Variants in CHI3L1 observed in about 807,000 individuals in gnomAD.
CHI3L1 encodes the protein chitinase 3 like 1.
CHI3L1 carries 30 observed loss-of-function variants against 40.7 expected under a neutral mutation model. The observed-to-expected ratio is 0.74, with a 90% confidence interval of 0.55 to 1.00. The LOEUF (loss-of-function observed/expected upper bound fraction) is 1.00, where lower values mean the gene tolerates loss of function less well. Ranked by LOEUF, CHI3L1 falls within the 50% of genes least tolerant of loss-of-function variation. CHI3L1 has a pLI of 0.00. For synonymous variants in CHI3L1, 210 were observed against 192.1 expected (o/e 1.09, Z -0.77); for missense variants, 493 against 492.2 (o/e 1.00, Z -0.01).
intron 6 of CHI3L1, 141 bp downstream of exon 6, chr1:203,182,590 G>T: frequency 3.4e-6 from 3 of 894,988 alleles, no homozygotes; most frequent in Non-Finnish European, 5.3e-6. Flanking sequence ...ACTTGCTCAA[G>T]GTCACACATC....
chr1:203,184,064 A>G (rs1350128209), intron 4 of CHI3L1, among the ~76,000 whole-genome samples: 1 of 152,228 alleles, frequency 6.6e-6, no homozygotes, highest in African/African-American at 2.4e-5. Context: ...GGGGACAAAT[A>G]TAACAGCTCA....
chr1:203,185,339 G>T lies in CHI3L1; in HGVS notation c.102C>A (p.Tyr34Ter). Residue 34 changes from tyrosine to a stop codon, truncating the protein, a stop_gained, in exon 3 of 10, where the codon TAC becomes TAA. Transcript: ENST00000255409. LOFTEE classifies it high-confidence loss of function. ...LVCYYTSWSQ[Y>*]REGDGSCFPD... The stretch of plus-strand genomic sequence containing the variant: ...GGAAGCAGCTCCCATCGCCTTCCCG[G>T]TACTGGGACCAGCTGGTGTAGTAGC... The T allele has an allele frequency of 6.2e-7, 1 of 1,614,206 alleles. No homozygotes were observed. Among genetic ancestry groups the T allele is most frequent in the Non-Finnish European group, 8.5e-7 (1 of 1,180,040 alleles).
rs983952351 is a variant in CHI3L1, at chr1:203,179,831, T to C, written c.941A>G (p.Gln314Arg). Residue 314 changes from glutamine (Q) to arginine (R), a missense_variant, in exon 9 of 10, where the codon CAG (glutamine) becomes CGG (arginine). Transcript: ENST00000255409. ...GCCCTTGGTGGCATAGGGGACCTGC[T>C]GGCCGAGGATTCTATGGACTGTGGC... is the stretch of plus-strand genomic sequence containing the variant. The part of the protein sequence containing the change: ...RGATVHRILG[Q>R]QVPYATKGNQ... 1 of 1,614,184 alleles carries C rather than the reference T, an allele frequency of 6.2e-7. No homozygotes were observed. The highest frequency in any genetic ancestry group is 1.7e-5 in the Admixed American group (1 of 60,028).
At chr1:203,184,555 C>G (rs767940063) in intron 4 of CHI3L1, 21 bp downstream of exon 4, 1 of 1,606,128 alleles carries the variant, frequency 6.2e-7, no homozygotes, top group Non-Finnish European at 8.5e-7. Context: ...TGCCGTCCTG[C>G]CCCTGGGGAG....
intron 8 of CHI3L1, chr1:203,180,148 C>G: frequency 3.5e-6 from 2 of 569,836 alleles, no homozygotes; most frequent in Non-Finnish European, 3.1e-6. Flanking sequence ...GGCCCAAGGC[C>G]ACACAGAGTA....
rs780533808 is a variant in CHI3L1 at position 203,182,744 on chromosome 1, C to T, written c.574G>A (p.Ala192Thr). Residue 192 changes from alanine to threonine, a missense_variant, in exon 6 of 10, where the codon GCC becomes ACC. Physicochemically the swap from Ala to Thr is moderately conservative, Grantham distance 58. Coordinates refer to ENST00000255409, the MANE Select transcript of CHI3L1 (RefSeq NM_001276.4). ...KVTIDSSYDI[A>T]KISQHLDFIS... The stretch of plus-strand genomic sequence containing the variant: ...CAGGAGACTCACTGGGATATCTTGG[C>T]AATGTCATAGCTGCTGTCAATGGTG... 2 of 1,614,034 alleles carry T rather than the reference C, an allele frequency of 1.2e-6. No homozygotes were observed. The highest frequency in any genetic ancestry group is 1.1e-5 in the South Asian group (1 of 91,066).
At chr1:203,186,232 C>A in intron 2 of CHI3L1, 84 bp downstream of exon 2, 1 of 1,444,372 alleles carries the variant, frequency 6.9e-7, no homozygotes, top group South Asian at 1.2e-5. Flanking sequence ...AAAGTGTTCC[C>A]TTGGAGCTAA....
chr1:203,184,964 C>G (rs538761771), intron 3 of CHI3L1, among the ~76,000 whole-genome samples: 1 of 152,126 alleles, frequency 6.6e-6, no homozygotes, highest in Non-Finnish European at 1.5e-5. Context: ...GGGTTCCCCT[C>G]TCCCAGAGGG....
chr1:203,183,449 C>A (rs540218319), intron 5 of CHI3L1, among the ~76,000 whole-genome samples, 192 bp downstream of exon 5: 19 of 152,266 alleles, frequency 1.2e-4, no homozygotes, highest in South Asian at 2.1e-4. Context: ...CCCATTCCCA[C>A]CTCCCACCAT....
intron 9 of CHI3L1, 82 bp from the exon 10 acceptor site, chr1:203,179,667 C>G: frequency 6.2e-7 from 1 of 1,613,944 alleles, no homozygotes; most frequent in Non-Finnish European, 8.5e-7. Context: ...GTGAGCCCAG[C>G]CCAGACCTCA....
At chr1:203,180,324 CT>C in intron 8 of CHI3L1, 145 bp downstream of exon 8, 1 of 737,260 alleles carries the variant, frequency 1.4e-6, no homozygotes, top group South Asian at 2.0e-5. Flanking sequence ...GTCCTAACCT[CT>C]CCCTTCCACT....
chr1:203,179,690 G>A, intron 9 of CHI3L1, 71 bp downstream of exon 9: 2 of 1,614,046 alleles, frequency 1.2e-6, no homozygotes, highest in Non-Finnish European at 1.7e-6. Flanking sequence ...GCAAGGGACA[G>A]GAATCTGGCT....
chr1:203,185,234 C>T lies in CHI3L1; in HGVS notation c.207G>A (p.Trp69Ter). ...ANISNDHIDT[W>*]EWNDVTLYGM... ...CGTAGAGCGTCACATCATTCCACTCCCAGGTGTCGATGTGATCGTTGCTTA... is the reference window on the plus strand; with the variant it reads ...CGTAGAGCGTCACATCATTCCACTCTCAGGTGTCGATGTGATCGTTGCTTA... Residue 69 changes from tryptophan (W) to a stop codon, truncating the protein, a stop_gained, in exon 3 of 10, where the codon TGG becomes TGA. Coordinates refer to ENST00000255409, the MANE Select transcript of CHI3L1 (RefSeq NM_001276.4). LOFTEE classifies it high-confidence loss of function. 6.2e-7 allele frequency: 1 copy of T among 1,614,158 alleles called. No individual in the cohort carries two copies. The highest frequency in any genetic ancestry group is 8.5e-7 in the Non-Finnish European group (1 of 1,180,014).
At chr1:203,182,413 C>T (rs1406009832) in intron 6 of CHI3L1, among the ~76,000 whole-genome samples, 4 of 152,260 alleles carry the variant, frequency 2.6e-5, no homozygotes, top group Non-Finnish European at 5.9e-5. Flanking sequence ...AGAAAATACT[C>T]TGCAATAGCT....
chr1:203,181,070 T>C, intron 7 of CHI3L1, 92 bp downstream of exon 7: 2 of 1,493,056 alleles, frequency 1.3e-6, no homozygotes, highest in South Asian at 1.3e-5. Flanking sequence ...CTTGCAGGAC[T>C]GTACTGAGGG....
chr1:203,180,582 A>C lies in CHI3L1; in HGVS notation c.782T>G (p.Phe261Cys). 6.2e-7 allele frequency: 1 copy of C among 1,612,466 alleles called. No individual in the cohort carries two copies. The highest frequency in any genetic ancestry group is 8.5e-7 in the Non-Finnish European group (1 of 1,179,454). Reference protein sequence around the residue: ...ASKLVMGIPTFGRSFTLASSE... With the variant: ...ASKLVMGIPTCGRSFTLASSE... ...AGAAGCCAGAGTGAAGCTCCTCCCGAAGGTGGGGATGCCCATCACCAGCTT... is the reference window on the plus strand; with the variant it reads ...AGAAGCCAGAGTGAAGCTCCTCCCGCAGGTGGGGATGCCCATCACCAGCTT... The change falls in exon 8 of 10, where the codon TTC (phenylalanine) becomes TGC (cysteine). Residue 261 changes from phenylalanine (F) to cysteine (C), a missense_variant. Coordinates refer to ENST00000255409, the MANE Select transcript of CHI3L1 (RefSeq NM_001276.4).
rs6671745 is a variant in CHI3L1, at chr1:203,184,531, A to G, written c.314+45T>C. 6.1e-4 allele frequency: 925 copies of G among 1,526,164 alleles called. 7 individuals are homozygous for G. The African/African-American group carries it at 0.012, about 19-fold the overall frequency. 94.5% of individuals were successfully genotyped at this position (1,526,164 alleles called of 1,614,324 possible). A position where few individuals can be genotyped will look rare whatever the true frequency, so the allele number is the denominator to read the frequency against. ...CGGGAGACCCAAGCTCCTCACTCCT[A>G]TGCCATCATCCTCTGCCGTCCTGCC... On this transcript the variant is annotated intron_variant, in intron 4 of 9. Coordinates refer to ENST00000255409, the MANE Select transcript of CHI3L1 (RefSeq NM_001276.4).
In CHI3L1 at chr1:203,180,585, G is replaced by T. The variant is rs955305477; in HGVS notation, c.779C>A (p.Thr260Asn). 1 of 1,612,858 alleles carries T rather than the reference G, an allele frequency of 6.2e-7. No individual in the cohort carries two copies. The highest frequency in any genetic ancestry group is 8.5e-7 in the Non-Finnish European group (1 of 1,179,530). The change falls in exon 8 of 10, where the codon ACC becomes AAC. Residue 260 changes from threonine to asparagine, a missense_variant. By Grantham distance (65) the Thr-to-Asn change is moderately conservative (BLOSUM62 0). Transcript: ENST00000255409. The part of the protein sequence containing the change: ...PASKLVMGIP[T>N]FGRSFTLASS... ...AGCCAGAGTGAAGCTCCTCCCGAAG[G>T]TGGGGATGCCCATCACCAGCTTACT...
chr1:203,181,514 G>A (rs567050812), intron 6 of CHI3L1: 9 of 366,690 alleles, frequency 2.5e-5, no homozygotes, highest in East Asian at 6.7e-5. Flanking sequence ...CCAGCTACTC[G>A]GGAGGCTGAG....
Sources: allele counts gnomAD v4.1 joint callset (sites outside exome capture counted in the v4.1 genomes callset), GRCh38; gene constraint gnomAD v4.1.1; transcripts MANE v1.5; gene names NCBI Gene and HGNC (gene_info 2026-07-23, HGNC 2026-07-21).